Variants in SLC9D1 observed in about 807,000 individuals in gnomAD.
The protein encoded by SLC9D1 is solute carrier family 9 member D1.
chr13:113,517,550 C>T, the SLC9D1 span, among the ~76,000 whole-genome samples: 7 of 152,118 alleles, frequency 4.6e-5, no homozygotes, highest in Admixed American at 4.6e-4. Context: ...CCTGAACGTC[C>T]ACCAAGAGAT....
chr13:113,500,808 C>T, the SLC9D1 span, among the ~76,000 whole-genome samples: 22 of 152,260 alleles, frequency 1.4e-4, no homozygotes, highest in East Asian at 3.9e-3. Flanking sequence ...GGCTCAAAGA[C>T]GGTGCTATCT....
At chr13:113,549,739 G>A in the SLC9D1 span, 3 of 744,946 alleles carry the variant, frequency 4.0e-6, no homozygotes, top group Non-Finnish European at 7.3e-6. Context: ...TTTATTTGCA[G>A]TCTGTTGATT....
the SLC9D1 span, among the ~76,000 whole-genome samples, chr13:113,497,551 T>C: frequency 0.18 from 24,107 of 134,124 alleles, 2,988 homozygotes; most frequent in African/African-American, 0.35. Flanking sequence ...TGTGCGAGAC[T>C]TGTAGCTGTG....
the SLC9D1 span, chr13:113,547,401 G>T: frequency 1.3e-6 from 2 of 1,583,762 alleles, no homozygotes; most frequent in Non-Finnish European, 1.7e-6. Flanking sequence ...AAGGGTCCAC[G>T]CCCCTCGCAG....
chr13:113,510,271 A>C, the SLC9D1 span: 1 of 1,614,196 alleles, frequency 6.2e-7, no homozygotes, highest in Admixed American at 1.7e-5. Context: ...GCCGTGTTAC[A>C]TGACACTGTT....
At chr13:113,525,911 G>A in the SLC9D1 span, among the ~76,000 whole-genome samples, 5 of 152,140 alleles carry the variant, frequency 3.3e-5, no homozygotes, top group African/African-American at 7.2e-5. Flanking sequence ...ACAAGCCGTC[G>A]TCGTCGTAGG....
the SLC9D1 span, chr13:113,539,524 A>G: frequency 3.7e-6 from 6 of 1,609,232 alleles, no homozygotes; most frequent in Non-Finnish European, 5.1e-6. This position sits in a 1 kb window ranked among gnomAD's most constrained non-coding sequence, Gnocchi z 4.8. Context: ...TTCCTTCTTT[A>G]CATTATGATT....
chr13:113,526,544 C>T, the SLC9D1 span, among the ~76,000 whole-genome samples: 2 of 151,938 alleles, frequency 1.3e-5, no homozygotes, highest in South Asian at 2.1e-4. Context: ...CATAGCAAGA[C>T]CTCATCTCTA....
chr13:113,516,836 G>T, the SLC9D1 span, among the ~76,000 whole-genome samples: 2 of 152,222 alleles, frequency 1.3e-5, no homozygotes, highest in South Asian at 4.1e-4. Flanking sequence ...AACAGAGGAG[G>T]CAGGCACCTG....
chr13:113,515,642 A>G, the SLC9D1 span, among the ~76,000 whole-genome samples: 2 of 152,172 alleles, frequency 1.3e-5, no homozygotes, highest in African/African-American at 2.4e-5. Flanking sequence ...TGGTAATCCC[A>G]GCACTTTGGG....
the SLC9D1 span, chr13:113,530,554 C>T: frequency 6.6e-6 from 1 of 152,042 alleles, no homozygotes; most frequent in South Asian, 2.1e-4. Flanking sequence ...GAAAACCTCC[C>T]TTTCAATTTT....
the SLC9D1 span, among the ~76,000 whole-genome samples, chr13:113,539,834 A>T: frequency 6.6e-6 from 1 of 151,774 alleles, no homozygotes; most frequent in Non-Finnish European, 1.5e-5. This position sits in a 1 kb window ranked among gnomAD's most constrained non-coding sequence, Gnocchi z 4.8. Flanking sequence ...TAAGCATAGG[A>T]CCCTCGGCAG....
the SLC9D1 span, chr13:113,495,443 A>G: frequency 2.7e-4 from 161 of 605,228 alleles, no homozygotes; most frequent in African/African-American, 2.7e-3. Flanking sequence ...ATTATTTAAT[A>G]CTCTGATCAA....
At chr13:113,549,056 A>C in the SLC9D1 span, among the ~76,000 whole-genome samples, 1 of 152,186 alleles carries the variant, frequency 6.6e-6, no homozygotes, top group Admixed American at 6.5e-5. Context: ...CCTTCAGGCA[A>C]ACACAGGCTA....
the SLC9D1 span, among the ~76,000 whole-genome samples, chr13:113,533,742 A>AT: frequency 6.6e-6 from 1 of 152,170 alleles, no homozygotes; most frequent in African/African-American, 2.4e-5. Flanking sequence ...CTGGCGAGGA[A>AT]TTTTATCGTC....
chr13:113,544,821 C>T, the SLC9D1 span, among the ~76,000 whole-genome samples: 3 of 152,262 alleles, frequency 2.0e-5, no homozygotes, highest in Non-Finnish European at 4.4e-5. Context: ...GATACAGCCA[C>T]ACTGGGGCTG....
At chr13:113,498,645 C>G in the SLC9D1 span, 1 of 735,840 alleles carries the variant, frequency 1.4e-6, no homozygotes, top group Non-Finnish European at 2.1e-6. Context: ...AACTAAAATG[C>G]TTCTCTGTCG....
the SLC9D1 span, among the ~76,000 whole-genome samples, chr13:113,538,115 TTGTGCATGCA>T: frequency 6.6e-6 from 1 of 151,250 alleles, no homozygotes; most frequent in Non-Finnish European, 1.5e-5. Context: ...ATGTATGTGT[TTGTGCATGCA>T]TGTGTGTGCT....
At chr13:113,547,528 C>CGGGGGAGGCAGATGT in the SLC9D1 span, 1 of 640,908 alleles carries the variant, frequency 1.6e-6, no homozygotes, top group African/African-American at 1.8e-5. Flanking sequence ...CACTGGACCC[C>CGGGGGAGGCAGATGT]GGGGGAGGCA....
Sources: gnomAD v4.1 joint callset for allele counts (sites outside exome capture counted in the v4.1 genomes callset) on GRCh38, gnomAD v4.1.1 for gene constraint, Gnocchi (gnomAD v3.1) non-coding constraint, MANE v1.5 for transcripts, NCBI Gene and HGNC (gene_info 2026-07-23, HGNC 2026-07-21) for gene names.